ROBO1: variants seen among roughly 807,000 people sequenced by gnomAD.
The protein encoded by ROBO1 is roundabout homolog 1.
In ROBO1, 149 loss-of-function variants were observed where a neutral mutation model predicts 195.9. That is an observed-to-expected ratio of 0.76 (90% CI 0.67 to 0.87). The LOEUF (loss-of-function observed/expected upper bound fraction) is 0.87, where lower values mean the gene tolerates loss of function less well. Ranked by LOEUF, ROBO1 falls within the 40% of genes least tolerant of loss-of-function variation. The probability of loss-of-function intolerance (pLI) is 0.00; values close to 1 mark genes in which losing one functional copy is unlikely to be tolerated. For synonymous variants in ROBO1, 816 were observed against 733.2 expected, an observed-to-expected ratio of 1.11 and a Z score of -1.82; for missense variants, 1,933 against 2,068.3, an observed-to-expected ratio of 0.93 and a Z score of 1.27.
intron 4 of ROBO1, among the ~76,000 whole-genome samples, chr3:78,780,510 C>A (rs1308492278): frequency 6.6e-6 from 1 of 151,952 alleles, no homozygotes; most frequent in East Asian, 1.9e-4. Context: ...GTCATGTCCC[C>A]AAACTTTCCC....
At chr3:78,793,249 C>T (rs576017148) in intron 4 of ROBO1, among the ~76,000 whole-genome samples, 2 of 151,902 alleles carry the variant, frequency 1.3e-5, no homozygotes, top group African/African-American at 2.4e-5. Context: ...AATACAAATA[C>T]GAGTTCATTA....
intron 2 of ROBO1, among the ~76,000 whole-genome samples, chr3:79,361,112 T>C (rs1270340182): frequency 6.6e-6 from 1 of 152,100 alleles, no homozygotes; most frequent in African/African-American, 2.4e-5. Context: ...AATTACTATA[T>C]TGTATTTGCC....
chr3:79,537,471 T>C (rs1941916535), intron 2 of ROBO1, among the ~76,000 whole-genome samples: 1 of 152,068 alleles, frequency 6.6e-6, no homozygotes, highest in Non-Finnish European at 1.5e-5. Flanking sequence ...TCTATAAACT[T>C]TTACTCCCCA....
chr3:79,402,885 A>G (rs2037415727), intron 2 of ROBO1, among the ~76,000 whole-genome samples: 1 of 152,124 alleles, frequency 6.6e-6, no homozygotes, highest in African/African-American at 2.4e-5. Flanking sequence ...TATTTATAGT[A>G]TAAGAAATTT....
rs368110549 is a variant in ROBO1 at position 79,303,159 on chromosome 3, G to GTTTTTTTTTTTTTTTTT, written c.89-177621_89-177620insAAAAAAAAAAAAAAAAA. 5.5e-5 allele frequency among the ~76,000 whole-genome samples: 4 copies of GTTTTTTTTTTTTTTTTT among 72,090 alleles called. 1 individual carries two copies. The highest frequency in any genetic ancestry group is 9.7e-5 in the Non-Finnish European group (4 of 41,250). The allele number at this position is 72,090 out of a possible 152,430, so 47.3% of individuals were successfully genotyped here. Reference sequence around the variant, plus strand: ...ATTAATATATGAATTATCTCACATAGGTTTTTTTTTTTTTTTTTTTTTTTG... The same window carrying GTTTTTTTTTTTTTTTTT: ...ATTAATATATGAATTATCTCACATAGTTTTTTTTTTTTTTTTTGTTTTTTTTTTTTTTTTTTTTTTTG... On this transcript the variant is annotated intron_variant, in intron 2 of 30. Transcript: ENST00000464233.
chr3:79,602,134 T>C (rs1944357272), intron 1 of ROBO1, among the ~76,000 whole-genome samples: 1 of 151,940 alleles, frequency 6.6e-6, no homozygotes, highest in African/African-American at 2.4e-5. Flanking sequence ...GCAATTACCT[T>C]CCCTTATGTT....
intron 4 of ROBO1, among the ~76,000 whole-genome samples, chr3:78,817,705 A>G (rs1445509068): frequency 6.6e-6 from 1 of 152,236 alleles, no homozygotes; most frequent in African/African-American, 2.4e-5. Context: ...ATAAAAAATA[A>G]GACAGGGAAG....
chr3:79,285,792 A>G (rs1315518188), intron 2 of ROBO1, among the ~76,000 whole-genome samples: 2 of 152,240 alleles, frequency 1.3e-5, no homozygotes, highest in African/African-American at 2.4e-5. Context: ...TAAACTTAAT[A>G]TATTGAATCT....
At chr3:79,341,922 G>A (rs1019822321) in intron 2 of ROBO1, among the ~76,000 whole-genome samples, 3 of 152,140 alleles carry the variant, frequency 2.0e-5, no homozygotes, top group Non-Finnish European at 2.9e-5. Context: ...ACTACAATGA[G>A]TAAGTGGAAA....
intron 2 of ROBO1, among the ~76,000 whole-genome samples, chr3:79,528,800 G>A (rs1941537804): frequency 6.6e-6 from 1 of 152,140 alleles, no homozygotes; most frequent in Admixed American, 6.5e-5. Flanking sequence ...TGGAAATACG[G>A]TCAGCGATGC....
intron 4 of ROBO1, among the ~76,000 whole-genome samples, chr3:78,848,557 T>C (rs1447643518): frequency 6.6e-6 from 1 of 151,992 alleles, no homozygotes; most frequent in Non-Finnish European, 1.5e-5. Context: ...GCACAGACCT[T>C]AGAGAAGGGA....
intron 8 of ROBO1, 144 bp downstream of exon 8, chr3:78,714,253 C>A: frequency 3.9e-6 from 3 of 774,076 alleles, no homozygotes; most frequent in Non-Finnish European, 5.6e-6. Context: ...AATATGTGTT[C>A]TTTAAATATG....
chr3:78,787,670 G>A (rs1011617910), intron 4 of ROBO1, among the ~76,000 whole-genome samples: 1 of 152,136 alleles, frequency 6.6e-6, no homozygotes, highest in South Asian at 2.1e-4. Context: ...CTGGTCAGGT[G>A]CGGTGGCTAA....
At chr3:79,052,440 T>C (rs2078718785) in intron 3 of ROBO1, among the ~76,000 whole-genome samples, 1 of 152,028 alleles carries the variant, frequency 6.6e-6, no homozygotes. Flanking sequence ...CTAGTTTCAG[T>C]CTGGCCATGT....
intron 2 of ROBO1, among the ~76,000 whole-genome samples, chr3:79,399,620 T>C (rs745894784): frequency 6.6e-6 from 1 of 152,182 alleles, no homozygotes; most frequent in African/African-American, 2.4e-5. Flanking sequence ...TTATCTGCCA[T>C]AATATTTTAA....
At chr3:78,904,305 T>C (rs2037762198) in intron 4 of ROBO1, among the ~76,000 whole-genome samples, 1 of 152,162 alleles carries the variant, frequency 6.6e-6, no homozygotes, top group African/African-American at 2.4e-5. Flanking sequence ...CTCATATAAC[T>C]AATAGCAATA....
chr3:79,606,035 C>CATATATATAT (rs111238153), intron 1 of ROBO1, among the ~76,000 whole-genome samples: 161 of 146,770 alleles, frequency 1.1e-3, no homozygotes, highest in African/African-American at 3.8e-3. Flanking sequence ...CATGTACCCA[C>CATATATATAT]ATATATATAT....
intron 1 of ROBO1, among the ~76,000 whole-genome samples, chr3:79,611,873 A>G (rs1944669338): frequency 6.6e-6 from 1 of 152,190 alleles, no homozygotes; most frequent in East Asian, 1.9e-4. Flanking sequence ...TGTATCCCAG[A>G]ACTTAAAGTA....
chr3:78,819,079 C>T (rs62257495), intron 4 of ROBO1, among the ~76,000 whole-genome samples: 36,429 of 151,936 alleles, frequency 0.24, 4,583 homozygotes, highest in East Asian at 0.48. Context: ...TGGAACATAT[C>T]GCCCCGTGGA....
Sources: allele counts gnomAD v4.1 joint callset (sites outside exome capture counted in the v4.1 genomes callset), GRCh38; gene constraint gnomAD v4.1.1; transcripts MANE v1.5; gene names NCBI Gene and HGNC (gene_info 2026-07-23, HGNC 2026-07-21).